Variants in KCNIP4 observed in about 807,000 individuals in gnomAD.
The protein encoded by KCNIP4 is Kv channel-interacting protein 4.
In KCNIP4, 12 loss-of-function variants were observed where a neutral mutation model predicts 34.0. The ratio of observed to expected loss-of-function variants is 0.35; its 90% CI spans 0.23 to 0.57. The LOEUF is 0.57. KCNIP4 is among the 20% of genes least tolerant of loss of function. The pLI is 0.83. For synonymous variants in KCNIP4, 124 were observed against 102.2 expected, an observed-to-expected ratio of 1.21 and a Z score of -1.29; for missense variants, 238 against 311.7, an observed-to-expected ratio of 0.76 and a Z score of 1.78.
chr4:21,688,232 C>T (rs1049034457), intron 1 of KCNIP4, among the ~76,000 whole-genome samples: 6 of 152,166 alleles, frequency 3.9e-5, no homozygotes, highest in African/African-American at 1.4e-4. Flanking sequence ...ATCCAAACTG[C>T]TCCAAAATCT....
chr4:21,222,428 C>T (rs1758048450), intron 1 of KCNIP4, among the ~76,000 whole-genome samples: 1 of 152,026 alleles, frequency 6.6e-6, no homozygotes, highest in Admixed American at 6.6e-5. Context: ...AAGACTCAGT[C>T]TTAGAAGGCA....
At chr4:21,706,218 G>A (rs563489586) in intron 1 of KCNIP4, among the ~76,000 whole-genome samples, 1 of 152,262 alleles carries the variant, frequency 6.6e-6, no homozygotes, top group African/African-American at 2.4e-5. Flanking sequence ...AGAGATGTTT[G>A]AGCAAAGCCA....
At chr4:21,417,179 A>T (rs1438655017) in intron 1 of KCNIP4, among the ~76,000 whole-genome samples, 2 of 152,030 alleles carry the variant, frequency 1.3e-5, no homozygotes, top group African/African-American at 4.8e-5. Context: ...TAGGGAATCC[A>T]TATTTCACAT....
At chr4:20,924,295 G>A (rs908239714) in intron 1 of KCNIP4, among the ~76,000 whole-genome samples, 1 of 152,112 alleles carries the variant, frequency 6.6e-6, no homozygotes, top group African/African-American at 2.4e-5. Flanking sequence ...ACTACCAGAA[G>A]CTCCATGTAT....
chr4:21,519,235 C>T (rs1473379719), intron 1 of KCNIP4, among the ~76,000 whole-genome samples: 4 of 151,814 alleles, frequency 2.6e-5, no homozygotes, highest in Admixed American at 2.0e-4. Context: ...CTTTGTTGCT[C>T]TTTCACCCAT....
At chr4:20,736,320 C>A (rs1749620452) in intron 5 of KCNIP4, among the ~76,000 whole-genome samples, 1 of 151,970 alleles carries the variant, frequency 6.6e-6, no homozygotes, top group Non-Finnish European at 1.5e-5. Context: ...TTTATTTAAC[C>A]AAATTGTTCT....
intron 1 of KCNIP4, among the ~76,000 whole-genome samples, chr4:21,825,559 C>T (rs1722629596): frequency 6.6e-6 from 1 of 151,986 alleles, no homozygotes; most frequent in Admixed American, 6.6e-5. Context: ...ATGGTTTCCA[C>T]AAGATTGAAG....
intron 1 of KCNIP4, among the ~76,000 whole-genome samples, chr4:21,734,269 G>A (rs16871791): frequency 0.055 from 8,346 of 152,150 alleles, 785 homozygotes; most frequent in African/African-American, 0.19. Flanking sequence ...ACAGTCTGTT[G>A]TCCTTGAAGT....
intron 1 of KCNIP4, among the ~76,000 whole-genome samples, chr4:21,084,859 T>C (rs961055796): frequency 2.0e-5 from 3 of 151,630 alleles, no homozygotes; most frequent in African/African-American, 7.3e-5. Context: ...ATGATTCCTC[T>C]ACTAAATGCA....
intron 1 of KCNIP4, among the ~76,000 whole-genome samples, chr4:21,627,968 G>C (rs570753688): frequency 1.3e-5 from 2 of 152,188 alleles, no homozygotes; most frequent in African/African-American, 2.4e-5. Context: ...AGATCCAAAG[G>C]GAGGTAATAT....
intron 1 of KCNIP4, among the ~76,000 whole-genome samples, chr4:21,765,178 CAG>C (rs35455152): frequency 0.5 from 74,301 of 148,352 alleles, 20,238 homozygotes; most frequent in Non-Finnish European, 0.63. Context: ...TTTTCCGAGA[CAG>C]AGTCTTGCTC....
chr4:21,837,532 CAAAAAAAA>C (rs60449238), intron 1 of KCNIP4, among the ~76,000 whole-genome samples: 1 of 78,554 alleles, frequency 1.3e-5, no homozygotes, highest in Admixed American at 1.8e-4. Flanking sequence ...AAAACGCTGT[CAAAAAAAA>C]AAAAAAAGAA....
chr4:21,452,482 A>G lies in KCNIP4; in HGVS notation c.61+496089T>C, dbSNP rs1297226319. 2.0e-5 allele frequency among the ~76,000 whole-genome samples: 3 copies of G among 152,080 alleles called. 1 individual carries two copies. Among genetic ancestry groups the G allele is most frequent in the African/African-American group, 7.2e-5 (3 of 41,396 alleles). On this transcript the variant is annotated intron_variant, in intron 1 of 8. Coordinates refer to ENST00000382152, the MANE Select transcript of KCNIP4 (RefSeq NM_025221.6). Reference sequence around the variant, plus strand: ...GTTCCTGTCCTGGCTATGTTTACCAACTACATGGCTTCAGATGACTTAACC... The same window carrying G: ...GTTCCTGTCCTGGCTATGTTTACCAGCTACATGGCTTCAGATGACTTAACC...
chr4:21,317,001 C>T (rs1384199261), intron 1 of KCNIP4, among the ~76,000 whole-genome samples: 1 of 152,048 alleles, frequency 6.6e-6, no homozygotes, highest in Non-Finnish European at 1.5e-5. Flanking sequence ...CCAAAAATGC[C>T]CAGCATGGTA....
intron 3 of KCNIP4, among the ~76,000 whole-genome samples, chr4:20,805,039 A>G (rs1038344515): frequency 6.6e-6 from 1 of 152,124 alleles, no homozygotes; most frequent in Non-Finnish European, 1.5e-5. Flanking sequence ...TTGGGTCTGT[A>G]TCCCACATGC....
chr4:21,757,119 G>GA (rs1422183819), intron 1 of KCNIP4, among the ~76,000 whole-genome samples: 1 of 17,810 alleles, frequency 5.6e-5, no homozygotes, highest in Non-Finnish European at 9.5e-5. Flanking sequence ...AAGAAAGAAA[G>GA]AAAGAAAGAA....
At chr4:21,420,500 A>C (rs745352216) in intron 1 of KCNIP4, among the ~76,000 whole-genome samples, 1 of 152,178 alleles carries the variant, frequency 6.6e-6, no homozygotes. Context: ...ATATCTTCCT[A>C]TTAGGGAGAT....
At chr4:20,978,169 G>A (rs1735670470) in intron 1 of KCNIP4, among the ~76,000 whole-genome samples, 1 of 152,182 alleles carries the variant, frequency 6.6e-6, no homozygotes, top group Non-Finnish European at 1.5e-5. Context: ...TGGCTCAGGA[G>A]TTCTAACAAA....
intron 1 of KCNIP4, among the ~76,000 whole-genome samples, chr4:21,539,623 A>G (rs1430817333): frequency 6.6e-6 from 1 of 152,156 alleles, no homozygotes; most frequent in East Asian, 1.9e-4. Flanking sequence ...TTGAGCTGAC[A>G]TTTACTGAGT....
Sources: allele counts gnomAD v4.1 joint callset (sites outside exome capture counted in the v4.1 genomes callset), GRCh38; gene constraint gnomAD v4.1.1; transcripts MANE v1.5; gene names NCBI Gene and HGNC (gene_info 2026-07-23, HGNC 2026-07-21).